Variants in TTC39B observed in about 807,000 individuals in gnomAD.
TTC39B encodes tetratricopeptide repeat protein 39B.
Under a neutral mutation model 96.6 loss-of-function variants are expected in TTC39B, and 92 were observed. The ratio of observed to expected loss-of-function variants is 0.95; its 90% confidence interval spans 0.80 to 1.13. The LOEUF (loss-of-function observed/expected upper bound fraction) is 1.13, where lower values mean the gene tolerates loss of function less well. TTC39B is among the 50% of genes most tolerant of loss of function. The probability of loss-of-function intolerance (pLI) is 0.00; values close to 1 mark genes in which losing one functional copy is unlikely to be tolerated. For missense variants in TTC39B, 955 were observed against 809.3 expected (o/e 1.18, Z -2.18); for synonymous variants, 367 against 299.4 (o/e 1.23, Z -2.33).
chr9:15,278,273 C>T (rs1347497483), intron 1 of TTC39B, among the ~76,000 whole-genome samples: 1 of 152,056 alleles, frequency 6.6e-6, no homozygotes, highest in African/African-American at 2.4e-5. Flanking sequence ...ATAGAATACT[C>T]ACAGTTCTGG....
intron 3 of TTC39B, among the ~76,000 whole-genome samples, chr9:15,217,146 C>A (rs1211813626): frequency 6.6e-6 from 1 of 152,170 alleles, no homozygotes; most frequent in Non-Finnish European, 1.5e-5. Context: ...AGCCAGAAAC[C>A]ATAGTGGCAG....
At chr9:15,284,131 GGT>G (rs1823869422) in intron 1 of TTC39B, among the ~76,000 whole-genome samples, 1 of 152,130 alleles carries the variant, frequency 6.6e-6, no homozygotes, top group Non-Finnish European at 1.5e-5. Context: ...AAAGATAAAG[GGT>G]GTGACATGCA....
At chr9:15,226,132 C>T in intron 2 of TTC39B, 120 bp from the exon 3 acceptor site, 1 of 723,760 alleles carries the variant, frequency 1.4e-6, no homozygotes, top group Non-Finnish European at 2.1e-6. Context: ...ACCTCCATTT[C>T]TTATCAATTT....
intron 1 of TTC39B, 27 bp downstream of exon 1, chr9:15,307,057 G>T: frequency 1.9e-6 from 3 of 1,606,152 alleles, no homozygotes; most frequent in Non-Finnish European, 2.6e-6. Flanking sequence ...TTCAGGGGCC[G>T]GGCCCGCAAT....
intron 2 of TTC39B, 97 bp from the exon 3 acceptor site, chr9:15,226,109 T>C: frequency 1.0e-6 from 1 of 954,370 alleles, no homozygotes; most frequent in African/African-American, 1.6e-5. Context: ...TTCCAATTAT[T>C]TTTATACATC....
chr9:15,273,957 C>T (rs1823448522), intron 1 of TTC39B, among the ~76,000 whole-genome samples: 1 of 152,130 alleles, frequency 6.6e-6, no homozygotes, highest in South Asian at 2.1e-4. Context: ...GGCATCCACT[C>T]CTGTAAATCA....
intron 2 of TTC39B, among the ~76,000 whole-genome samples, chr9:15,233,143 G>C (rs1219029337): frequency 6.6e-6 from 1 of 152,126 alleles, no homozygotes; most frequent in Non-Finnish European, 1.5e-5. Context: ...TGTAGCCCTG[G>C]CGAGAAATCT....
intron 19 of TTC39B, among the ~76,000 whole-genome samples, chr9:15,174,803 C>T (rs1239511208): frequency 6.6e-6 from 1 of 152,160 alleles, no homozygotes; most frequent in East Asian, 1.9e-4. Context: ...ATAATCATAT[C>T]TGTAAACAGT....
chr9:15,254,145 T>C (rs937861301), intron 2 of TTC39B, among the ~76,000 whole-genome samples: 7 of 151,756 alleles, frequency 4.6e-5, no homozygotes, highest in Non-Finnish European at 1.0e-4. Context: ...GGGGTGTCTA[T>C]AAATTCATAA....
At chr9:15,231,385 T>C (rs565069550) in intron 2 of TTC39B, among the ~76,000 whole-genome samples, 41 of 152,286 alleles carry the variant, frequency 2.7e-4, no homozygotes, top group African/African-American at 9.1e-4. Context: ...CCAATACTTG[T>C]TTTTGTCCAT....
rs1819101286 is a variant in TTC39B, at chr9:15,195,410, C to T, written c.825-2715G>A. The stretch of plus-strand genomic sequence containing the variant: ...GTGCAGCCGGGCACGGTGGCTCACA[C>T]CTGTAATCTTAGCACTTTGGGTGGC... On this transcript the variant is annotated intron_variant, in intron 8 of 19. Coordinates refer to ENST00000512701, the Ensembl canonical transcript of TTC39B. Among the ~76,000 whole-genome samples the T allele has an allele frequency of 2.0e-5, 3 of 152,122 alleles. No homozygotes were observed. In the South Asian group the frequency reaches 6.2e-4, roughly 32 times the overall value.
chr9:15,283,432 T>C, intron 1 of TTC39B, among the ~76,000 whole-genome samples: 1 of 152,244 alleles, frequency 6.6e-6, no homozygotes, highest in East Asian at 1.9e-4. Flanking sequence ...ACTTGACATT[T>C]CTGTAAAACA....
intron 4 of TTC39B, 78 bp downstream of exon 4, chr9:15,214,061 T>G: frequency 8.9e-7 from 1 of 1,125,046 alleles, no homozygotes; most frequent in Non-Finnish European, 1.3e-6. Context: ...ACAGCTAAAT[T>G]AATTTACAAG....
chr9:15,287,945 CAAAAAAAAAAAA>C (rs762069142), intron 1 of TTC39B, among the ~76,000 whole-genome samples: 2 of 68,952 alleles, frequency 2.9e-5, no homozygotes, highest in African/African-American at 5.9e-5. Context: ...GACTCCATCT[CAAAAAAAAAAAA>C]AAAAAAAAAA....
chr9:15,223,590 G>A (rs746555011), intron 3 of TTC39B, among the ~76,000 whole-genome samples: 2 of 152,098 alleles, frequency 1.3e-5, no homozygotes, highest in Non-Finnish European at 2.9e-5. Flanking sequence ...CACACTTCTT[G>A]TCCACATCCA....
intron 1 of TTC39B, among the ~76,000 whole-genome samples, chr9:15,297,810 T>G (rs16932961): frequency 0.16 from 24,109 of 151,930 alleles, 3,459 homozygotes; most frequent in African/African-American, 0.39. Context: ...AACCCGCAGA[T>G]GCACACCATG....
chr9:15,296,947 AC>A (rs1182886222), intron 1 of TTC39B, among the ~76,000 whole-genome samples: 1 of 152,106 alleles, frequency 6.6e-6, no homozygotes, highest in Non-Finnish European at 1.5e-5. Context: ...TGATCACACC[AC>A]TCTAATCTAG....
chr9:15,196,301 T>C (rs1012876908), intron 8 of TTC39B, among the ~76,000 whole-genome samples: 18 of 152,248 alleles, frequency 1.2e-4, no homozygotes, highest in South Asian at 4.1e-4. Flanking sequence ...GTACATTTTA[T>C]AAGGCTATTG....
exon 1 of TTC39B, chr9:15,307,111 G>A: frequency 6.2e-7 from 1 of 1,610,474 alleles, no homozygotes; most frequent in Non-Finnish European, 8.5e-7. Flanking sequence ...CCGCTCGGCT[G>A]CCTAAGAGCG....
Sources: gnomAD v4.1 joint callset for allele counts (sites outside exome capture counted in the v4.1 genomes callset) on GRCh38, gnomAD v4.1.1 for gene constraint, MANE v1.5 for transcripts, NCBI Gene and HGNC (gene_info 2026-07-23, HGNC 2026-07-21) for gene names.